The following ITGA8 variants were observed in gnomAD, a reference collection of about 807,000 sequenced individuals.
The protein encoded by ITGA8 is integrin subunit alpha 8.
In ITGA8, 91 loss-of-function variants were observed where a neutral mutation model predicts 142.3. The ratio of observed to expected loss-of-function variants is 0.64; its 90% CI spans 0.54 to 0.76. ITGA8 has a LOEUF of 0.76. ITGA8 is among the 30% of genes least tolerant of loss of function. The pLI, the probability that ITGA8 is intolerant of heterozygous loss-of-function variation, is 0.00. For synonymous variants in ITGA8, 505 were observed against 485.2 expected, an observed-to-expected ratio of 1.04 and a Z score of -0.54; for missense variants, 1,406 against 1,327.7, an observed-to-expected ratio of 1.06 and a Z score of -0.92.
chr10:15,694,418 T>TA (rs1835006558), intron 2 of ITGA8, among the ~76,000 whole-genome samples: 1 of 135,790 alleles, frequency 7.4e-6, no homozygotes, highest in South Asian at 2.3e-4. Flanking sequence ...ATATATCAGA[T>TA]AATATATCAT....
chr10:15,648,390 TATA>T (rs1477369352), intron 11 of ITGA8, among the ~76,000 whole-genome samples: 2 of 151,046 alleles, frequency 1.3e-5, no homozygotes, highest in African/African-American at 4.9e-5. Context: ...ATAATTGAGT[TATA>T]ATATTCATGT....
At chr10:15,642,096 C>T (rs1041515254) in intron 13 of ITGA8, among the ~76,000 whole-genome samples, 1 of 152,028 alleles carries the variant, frequency 6.6e-6, no homozygotes, top group African/African-American at 2.4e-5. Flanking sequence ...CCACTGCACT[C>T]CAGCCTGAGG....
At chr10:15,689,237 G>A (rs1376258824) in intron 2 of ITGA8, among the ~76,000 whole-genome samples, 1 of 152,204 alleles carries the variant, frequency 6.6e-6, no homozygotes, top group Non-Finnish European at 1.5e-5. Flanking sequence ...GCAGACTAGA[G>A]GGGCCTAACA....
chr10:15,519,388 T>C lies in ITGA8; in HGVS notation c.3007A>G (p.Thr1003Ala). 6.2e-7 allele frequency: 1 copy of C among 1,613,636 alleles called. No individual in the cohort carries two copies. The highest frequency in any genetic ancestry group is 1.3e-5 in the African/African-American group (1 of 75,002). ...GGGATTGAGAAGGAAACATTCGGAG[T>C]TGCCCAAATAACTGATGTCTTAATC... ...IVIKTSVIWA[T>A]PNVSFSIPLW... Residue 1003 changes from threonine to alanine, a missense_variant, in exon 29 of 30, where the codon ACT (threonine) becomes GCT (alanine). Thr to Ala is a moderately conservative substitution (Grantham distance 58). Coordinates refer to ENST00000378076, the MANE Select transcript of ITGA8 (RefSeq NM_003638.3).
chr10:15,574,711 A>G (rs890490260), intron 24 of ITGA8, among the ~76,000 whole-genome samples: 5 of 134,424 alleles, frequency 3.7e-5, no homozygotes, highest in African/African-American at 1.0e-4. Flanking sequence ...ATGTATATAT[A>G]TATTTTTTTT....
chr10:15,690,287 G>T (rs749843825), intron 2 of ITGA8, among the ~76,000 whole-genome samples: 10 of 152,230 alleles, frequency 6.6e-5, no homozygotes, highest in Admixed American at 2.0e-4. Flanking sequence ...TTTCTCATAT[G>T]CCCTGTTGGC....
intron 6 of ITGA8, 65 bp from the exon 7 acceptor site, chr10:15,672,814 C>T: frequency 1.4e-6 from 2 of 1,439,838 alleles, no homozygotes; most frequent in Admixed American, 2.6e-5. Context: ...CATGAGCAGA[C>T]CCACATTCCC....
At chr10:15,557,628 CA>C (rs1471666244) in intron 26 of ITGA8, among the ~76,000 whole-genome samples, 4 of 152,166 alleles carry the variant, frequency 2.6e-5, no homozygotes, top group Non-Finnish European at 5.9e-5. Context: ...GCTGGGATTA[CA>C]GGTGTGAGCC....
At chr10:15,652,909 C>T (rs1245257491) in intron 11 of ITGA8, among the ~76,000 whole-genome samples, 3 of 152,220 alleles carry the variant, frequency 2.0e-5, no homozygotes, top group Non-Finnish European at 4.4e-5. Context: ...CAGCTGATAA[C>T]AGCGAAGCCT....
At chr10:15,648,790 T>G (rs1255561711) in intron 11 of ITGA8, among the ~76,000 whole-genome samples, 1 of 152,212 alleles carries the variant, frequency 6.6e-6, no homozygotes, top group Non-Finnish European at 1.5e-5. Flanking sequence ...GTCTTCAGTC[T>G]GAATCAAAAG....
intron 23 of ITGA8, among the ~76,000 whole-genome samples, chr10:15,579,830 G>C (rs1434405632): frequency 6.6e-6 from 1 of 151,804 alleles, no homozygotes; most frequent in East Asian, 1.9e-4. Context: ...ATTTTGAGCT[G>C]AGTTATAACA....
intron 14 of ITGA8, among the ~76,000 whole-genome samples, chr10:15,614,695 TC>T (rs1278819976): frequency 4.6e-5 from 7 of 152,008 alleles, no homozygotes; most frequent in Non-Finnish European, 7.4e-5. Context: ...TGGATAAGTT[TC>T]CCCCCAACAA....
chr10:15,667,377 T>A (rs188342514), intron 8 of ITGA8, among the ~76,000 whole-genome samples: 46 of 152,240 alleles, frequency 3.0e-4, no homozygotes, highest in African/African-American at 1.0e-3. Context: ...CCCTTTATCA[T>A]TTTTTATTGC....
intron 25 of ITGA8, among the ~76,000 whole-genome samples, chr10:15,570,974 T>C (rs947056315): frequency 1.3e-5 from 2 of 152,202 alleles, no homozygotes; most frequent in African/African-American, 4.8e-5. Flanking sequence ...TGTTATACAT[T>C]TGCATTTGCA....
At chr10:15,586,777 C>T in intron 22 of ITGA8, 113 bp from the exon 23 acceptor site, 1 of 639,010 alleles carries the variant, frequency 1.6e-6, no homozygotes, top group South Asian at 2.0e-5. Context: ...CTAACCTGAT[C>T]ATTCAGGATA....
intron 23 of ITGA8, among the ~76,000 whole-genome samples, chr10:15,578,065 A>G (rs979503010): frequency 1.4e-4 from 21 of 152,096 alleles, no homozygotes; most frequent in African/African-American, 5.1e-4. Context: ...AGCTTGCAAA[A>G]CCAAAATGTG....
chr10:15,719,490 C>T (rs963651966), intron 1 of ITGA8, 73 bp downstream of exon 1: 5 of 1,384,576 alleles, frequency 3.6e-6, no homozygotes, highest in Admixed American at 6.3e-5. Flanking sequence ...GGGGACTCCG[C>T]GGCAGAGCCG....
chr10:15,551,918 C>G (rs1016994868), intron 26 of ITGA8, among the ~76,000 whole-genome samples: 1 of 152,092 alleles, frequency 6.6e-6, no homozygotes, highest in Admixed American at 6.5e-5. Context: ...AAATCAAGAA[C>G]TGCCTTGGCC....
intron 13 of ITGA8, among the ~76,000 whole-genome samples, chr10:15,640,945 C>A (rs908709795): frequency 1.3e-5 from 2 of 152,172 alleles, no homozygotes. Flanking sequence ...AGTCTGAAGC[C>A]AATAATAGCA....
Sources: gnomAD v4.1 joint callset for allele counts (sites outside exome capture counted in the v4.1 genomes callset) on GRCh38, gnomAD v4.1.1 for gene constraint, MANE v1.5 for transcripts, NCBI Gene and HGNC (gene_info 2026-07-23, HGNC 2026-07-21) for gene names.